Variants in NRXN2 observed in about 807,000 individuals in gnomAD.
NRXN2 encodes neurexin-2-beta.
NRXN2 carries 29 observed loss-of-function variants against 128.8 expected under a neutral mutation model. The ratio of observed to expected loss-of-function variants is 0.23; its 90% CI spans 0.17 to 0.31. The LOEUF is 0.31. Ranked by LOEUF, NRXN2 falls within the 10% of genes least tolerant of loss-of-function variation. NRXN2 has a pLI of 1.00. For synonymous variants in NRXN2, 1,098 were observed against 1,075.2 expected (o/e 1.02, Z -0.41); for missense variants, 1,881 against 2,452.6 (o/e 0.77, Z 4.92).
At chr11:64,619,462 A>T (rs1476954035) in intron 22 of NRXN2, among the ~76,000 whole-genome samples, 1 of 151,468 alleles carries the variant, frequency 6.6e-6, no homozygotes, top group Admixed American at 6.6e-5. Context: ...CTCAAGCAGC[A>T]CTCAAGGCCA....
chr11:64,679,841 C>T (rs2051938185), intron 6 of NRXN2, among the ~76,000 whole-genome samples: 1 of 152,150 alleles, frequency 6.6e-6, no homozygotes, highest in Non-Finnish European at 1.5e-5. Context: ...TTGTGAAATA[C>T]TAGAATGCAG....
intron 2 of NRXN2, among the ~76,000 whole-genome samples, chr11:64,707,174 C>T (rs767614897): frequency 6.6e-6 from 1 of 151,898 alleles, no homozygotes; most frequent in African/African-American, 2.4e-5. Flanking sequence ...GGGTGGATCA[C>T]GAGGTCAGGA....
chr11:64,693,935 G>C (rs2054171000), intron 3 of NRXN2, among the ~76,000 whole-genome samples: 1 of 152,306 alleles, frequency 6.6e-6, no homozygotes, highest in South Asian at 2.1e-4. Context: ...AAAATGGACT[G>C]ATAGGAAGAC....
At chr11:64,637,057 G>A (rs2044838599) in intron 17 of NRXN2, among the ~76,000 whole-genome samples, 1 of 152,038 alleles carries the variant, frequency 6.6e-6, no homozygotes, top group Admixed American at 6.5e-5. Context: ...GCAGGGGGTT[G>A]GGGGAAGCAG....
Position 64,631,936 on chromosome 11 carries a change from C to G in NRXN2, c.3586-1363G>C, listed in dbSNP as rs546838445. ...CACTCACACAGGTTCACTCAAACCC[C>G]CTGGCTCACACACTCTCAGGCACCC... On this transcript the variant is annotated intron_variant, in intron 18 of 22. Transcript: ENST00000265459. This position sits in a 1 kb window ranked among gnomAD's most constrained non-coding sequence, Gnocchi z 4.8. Among the ~76,000 whole-genome samples, 5 of 152,304 alleles carry G rather than the reference C, an allele frequency of 3.3e-5. No individual in the cohort carries two copies. Among genetic ancestry groups the G allele is most frequent in the Admixed American group, 3.3e-4 (5 of 15,310 alleles).
chr11:64,712,743 G>A (rs1302807599), intron 2 of NRXN2: 6 of 669,548 alleles, frequency 9.0e-6, no homozygotes, highest in Non-Finnish European at 1.7e-5. Flanking sequence ...CAGGACTCAC[G>A]CTGACCACGC....
intron 12 of NRXN2, 101 bp downstream of exon 12, chr11:64,653,595 G>T: frequency 8.5e-7 from 1 of 1,179,672 alleles, no homozygotes; most frequent in South Asian, 1.3e-5. Flanking sequence ...ATTCGAGCCA[G>T]CAATCACGGC....
chr11:64,720,002 T>C (rs2057393489), intron 1 of NRXN2, among the ~76,000 whole-genome samples: 1 of 152,198 alleles, frequency 6.6e-6, no homozygotes, highest in Admixed American at 6.5e-5. Flanking sequence ...ACACAGTAGG[T>C]ACACAATAAA....
At chr11:64,687,313 CG>C (rs568703818) in intron 5 of NRXN2, among the ~76,000 whole-genome samples, 46 of 151,764 alleles carry the variant, frequency 3.0e-4, no homozygotes, top group Admixed American at 2.6e-3. Flanking sequence ...GGGGTGGTGG[CG>C]GGGGGGGAGT....
At chr11:64,649,071 C>A (rs578025795) in intron 15 of NRXN2, among the ~76,000 whole-genome samples, 164 bp from the exon 16 acceptor site, 8 of 152,280 alleles carry the variant, frequency 5.3e-5, no homozygotes, top group South Asian at 2.1e-4. Flanking sequence ...CCGCACCCCC[C>A]CAACACACTT....
At position 64,649,448 on chromosome 11, in the gene NRXN2, TCCCTGGAAG is replaced by T. The variant is rs1195665577; in HGVS notation, c.3110-550_3110-542del. 3.9e-5 allele frequency among the ~76,000 whole-genome samples: 6 copies of T among 152,248 alleles called. No individual in the cohort carries two copies. In the South Asian group the frequency reaches 6.2e-4, roughly 16 times the overall value. ...TGCCACAGAGCCTAACTCCCTGGAA[TCCCTGGAAG>T]CCCTAGCCAGCCCACAGCCGAGCTT... On this transcript the variant is annotated intron_variant, in intron 15 of 22. Transcript: ENST00000265459.
At chr11:64,664,496 G>C (rs1404618558) in intron 9 of NRXN2, among the ~76,000 whole-genome samples, 1 of 141,986 alleles carries the variant, frequency 7.0e-6, no homozygotes, top group Non-Finnish European at 1.5e-5. Flanking sequence ...AAAAAAAAAA[G>C]GTTACTATGG....
In NRXN2 at chr11:64,686,017, C is replaced by T. The variant is rs878954518; in HGVS notation, c.851-70G>A. On this transcript the variant is annotated intron_variant, in intron 5 of 22. Coordinates refer to ENST00000265459, the MANE Select transcript of NRXN2 (RefSeq NM_015080.4). ...AGGGTACACCAGTGCTTCCCTCTCCCCTCCAGCAACGCAGGCACTGGTCCT... is the reference window on the plus strand; with the variant it reads ...AGGGTACACCAGTGCTTCCCTCTCCTCTCCAGCAACGCAGGCACTGGTCCT... 1.1e-5 allele frequency: 17 copies of T among 1,555,868 alleles called. No individual in the cohort carries two copies. The Admixed American group carries it at 2.8e-4, about 25-fold the overall frequency.
At chr11:64,690,276 A>G in intron 5 of NRXN2, 129 bp downstream of exon 5, 1 of 818,892 alleles carries the variant, frequency 1.2e-6, no homozygotes, top group South Asian at 1.6e-5. Context: ...GAGCAGACCC[A>G]TCACTTCCCA....
At chr11:64,692,938 G>A in intron 3 of NRXN2, 62 bp from the exon 4 acceptor site, 1 of 1,421,850 alleles carries the variant, frequency 7.0e-7, no homozygotes, top group Non-Finnish European at 9.8e-7. Context: ...AGAAAGAAAA[G>A]GGGAAAGAAA....
chr11:64,625,590 G>A (rs2042965100), intron 20 of NRXN2, among the ~76,000 whole-genome samples: 1 of 152,176 alleles, frequency 6.6e-6, no homozygotes, highest in Non-Finnish European at 1.5e-5. Flanking sequence ...AGCTGGTTAA[G>A]TGGAGATTTA....
Position 64,692,792 on chromosome 11 carries a change from C to T in NRXN2, c.778+55G>A, listed in dbSNP as rs2053995544. On this transcript the variant is annotated intron_variant, in intron 4 of 22. Coordinates refer to ENST00000265459, the MANE Select transcript of NRXN2 (RefSeq NM_015080.4). ...AGGACAGGGAGAAGAACAGAAAATC[C>T]AGGCGCAGGTTGGGGGCAATCCAAT... The T allele has an allele frequency of 3.1e-6, 5 of 1,608,848 alleles. No homozygotes were observed. In the East Asian group the frequency reaches 1.1e-4, roughly 36 times the overall value.
rs766772165 is a variant in NRXN2 at position 64,681,450 on chromosome 11, CA to C, written c.1152+4195del. Among the ~76,000 whole-genome samples, 136 of 152,144 alleles carry C rather than the reference CA, an allele frequency of 8.9e-4. 1 individual carries two copies. In the Middle Eastern group the frequency reaches 0.01, roughly 11 times the overall value. On this transcript the variant is annotated intron_variant, in intron 6 of 22. Coordinates refer to ENST00000265459, the MANE Select transcript of NRXN2 (RefSeq NM_015080.4). Reference sequence around the variant, plus strand: ...GTTTCCAAGGGCTCAAAGAACATAGCAAAGAAGGAAGGCTGGCTGGAGGAAG... The same window carrying C: ...GTTTCCAAGGGCTCAAAGAACATAGCAAGAAGGAAGGCTGGCTGGAGGAAG...
chr11:64,645,595 T>C (rs750011764), intron 17 of NRXN2, among the ~76,000 whole-genome samples: 1 of 152,150 alleles, frequency 6.6e-6, no homozygotes, highest in Non-Finnish European at 1.5e-5. Context: ...TTTCATTTGC[T>C]GTCCACTTTC....
Sources: allele counts gnomAD v4.1 joint callset (sites outside exome capture counted in the v4.1 genomes callset), GRCh38; gene constraint gnomAD v4.1.1; non-coding constraint Gnocchi (gnomAD v3.1); transcripts MANE v1.5; gene names NCBI Gene and HGNC (gene_info 2026-07-23, HGNC 2026-07-21).